The following CNTN4 variants were observed in gnomAD, a reference collection of about 807,000 sequenced individuals.
The protein encoded by CNTN4 is contactin-4.
CNTN4 carries 77 observed loss-of-function variants against 122.5 expected under a neutral mutation model. That is an observed-to-expected ratio of 0.63 (90% CI 0.52 to 0.76). The LOEUF is 0.76. Ranked by LOEUF, CNTN4 falls within the 30% of genes least tolerant of loss-of-function variation. The pLI, the probability that CNTN4 is intolerant of heterozygous loss-of-function variation, is 0.00. For synonymous variants in CNTN4, 512 were observed against 447.0 expected, an observed-to-expected ratio of 1.15 and a Z score of -1.83; for missense variants, 1,256 against 1,259.1, an observed-to-expected ratio of 1.00 and a Z score of 0.04.
At chr3:2,744,074 C>G (rs529523746) in intron 5 of CNTN4, among the ~76,000 whole-genome samples, 5 of 152,086 alleles carry the variant, frequency 3.3e-5, no homozygotes, top group Admixed American at 6.6e-5. Context: ...TTCAGCCTCC[C>G]GAAGTGCCGA....
At chr3:2,530,309 C>CTTTTTTT (rs1206246281) in intron 3 of CNTN4, among the ~76,000 whole-genome samples, 1 of 134,716 alleles carries the variant, frequency 7.4e-6, no homozygotes, top group African/African-American at 2.8e-5. Flanking sequence ...TTCTCCTCTT[C>CTTTTTTT]TTTTTTTTTT....
chr3:2,160,240 G>T (rs983001069), intron 2 of CNTN4, among the ~76,000 whole-genome samples: 7 of 152,098 alleles, frequency 4.6e-5, no homozygotes, highest in Non-Finnish European at 7.4e-5. Flanking sequence ...AAGGCAGGTT[G>T]GCGGTCACCT....
At chr3:2,912,543 A>C (rs1418786066) in intron 12 of CNTN4, among the ~76,000 whole-genome samples, 2 of 152,216 alleles carry the variant, frequency 1.3e-5, no homozygotes, top group African/African-American at 2.4e-5. Context: ...AAATCCTGTA[A>C]TATTGTAGGT....
At chr3:2,250,809 C>T (rs141686211) in intron 2 of CNTN4, among the ~76,000 whole-genome samples, 29 of 151,830 alleles carry the variant, frequency 1.9e-4, no homozygotes, top group African/African-American at 5.5e-4. Flanking sequence ...AGACAGTGAT[C>T]GTGGAATCCA....
intron 7 of CNTN4, among the ~76,000 whole-genome samples, chr3:2,847,349 G>T (rs2150590541): frequency 6.6e-6 from 1 of 152,158 alleles, no homozygotes; most frequent in East Asian, 1.9e-4. Context: ...GGAAAAAAAA[G>T]TTCAGACTCC....
chr3:2,105,760 A>C (rs1374779988), intron 2 of CNTN4, among the ~76,000 whole-genome samples: 2 of 152,168 alleles, frequency 1.3e-5, no homozygotes, highest in Non-Finnish European at 2.9e-5. Flanking sequence ...GTCTTTTCAC[A>C]TTTCAACATG....
At chr3:2,225,853 C>T (rs949224061) in intron 2 of CNTN4, among the ~76,000 whole-genome samples, 4 of 152,154 alleles carry the variant, frequency 2.6e-5, no homozygotes, top group Non-Finnish European at 5.9e-5. Context: ...TCTTATGGGT[C>T]TCTCCTTTTA....
chr3:2,798,366 A>ATCTATCTACCTATCTACCT (rs57013365), intron 6 of CNTN4, among the ~76,000 whole-genome samples: 1 of 135,374 alleles, frequency 7.4e-6, no homozygotes. Flanking sequence ...TACACACATA[A>ATCTATCTACCTATCTACCT]ATCTATCTAT....
chr3:2,535,045 C>T (rs1018316788), intron 3 of CNTN4, among the ~76,000 whole-genome samples: 3 of 152,154 alleles, frequency 2.0e-5, no homozygotes, highest in African/African-American at 7.2e-5. Context: ...AGAATTGACT[C>T]TGGGCATAGC....
chr3:2,106,229 C>T (rs1553564022), intron 2 of CNTN4, among the ~76,000 whole-genome samples: 1 of 152,190 alleles, frequency 6.6e-6, no homozygotes, highest in Non-Finnish European at 1.5e-5. Flanking sequence ...ATCTACCATT[C>T]TGAAGTCTAG....
At chr3:2,278,004 A>C (rs928979068) in intron 2 of CNTN4, among the ~76,000 whole-genome samples, 4 of 152,160 alleles carry the variant, frequency 2.6e-5, no homozygotes, top group African/African-American at 9.7e-5. Flanking sequence ...TCCCTTCAGA[A>C]GGTTGCAACT....
chr3:2,476,619 C>T (rs779154142), intron 3 of CNTN4, among the ~76,000 whole-genome samples: 1 of 152,112 alleles, frequency 6.6e-6, no homozygotes, highest in Non-Finnish European at 1.5e-5. Flanking sequence ...TATAGAGAGA[C>T]AGGAAGTAGA....
intron 4 of CNTN4, among the ~76,000 whole-genome samples, chr3:2,624,013 C>T (rs1048917700): frequency 1.3e-5 from 2 of 152,218 alleles, no homozygotes; most frequent in South Asian, 2.1e-4. Context: ...GGCTTTACCA[C>T]TACCAGAAGT....
In CNTN4 at chr3:2,463,189, T is replaced by TCTA. The variant is rs571511561; in HGVS notation, c.-88-108223_-88-108221dup. Among the ~76,000 whole-genome samples, 392 of 152,120 alleles carry TCTA rather than the reference T, an allele frequency of 2.6e-3. 1 individual carries two copies. The highest frequency in any genetic ancestry group is 4.2e-3 in the Non-Finnish European group (285 of 68,002). On this transcript the variant is annotated intron_variant, in intron 3 of 24. Coordinates refer to ENST00000418658, the MANE Select transcript of CNTN4 (RefSeq NM_175607.3). The stretch of plus-strand genomic sequence containing the variant: ...ATATAAATGAAATAGAAGGCTGTTA[T>TCTA]CTACTAAATGGGCTTTTTAAAAAAA...
intron 4 of CNTN4, among the ~76,000 whole-genome samples, chr3:2,636,065 C>G (rs540606518): frequency 6.6e-6 from 1 of 152,188 alleles, no homozygotes; most frequent in Non-Finnish European, 1.5e-5. Flanking sequence ...GAATTTGAGA[C>G]TGATCTCCCA....
chr3:2,923,315 G>GA (rs2094445445), intron 12 of CNTN4, among the ~76,000 whole-genome samples: 1 of 137,976 alleles, frequency 7.2e-6, no homozygotes, highest in Non-Finnish European at 1.7e-5. Flanking sequence ...AAGAATACCT[G>GA]ACTTTTTTTT....
intron 14 of CNTN4, among the ~76,000 whole-genome samples, chr3:3,006,062 G>T (rs1220898005): frequency 2.6e-5 from 4 of 151,022 alleles, no homozygotes; most frequent in Non-Finnish European, 4.4e-5. Flanking sequence ...ATTTTTTTTT[G>T]CATTTTTAGT....
At chr3:2,989,776 A>C (rs1694896829) in intron 14 of CNTN4, among the ~76,000 whole-genome samples, 1 of 152,212 alleles carries the variant, frequency 6.6e-6, no homozygotes. Context: ...ATATTTGTAA[A>C]GTGCAGTTCT....
intron 3 of CNTN4, among the ~76,000 whole-genome samples, chr3:2,482,072 CAG>C (rs1190046149): frequency 1.3e-5 from 2 of 152,118 alleles, no homozygotes; most frequent in African/African-American, 2.4e-5. Flanking sequence ...AAGTGGGTAA[CAG>C]AGGTTGAAAC....
Sources: allele counts gnomAD v4.1 joint callset (sites outside exome capture counted in the v4.1 genomes callset), GRCh38; gene constraint gnomAD v4.1.1; transcripts MANE v1.5; gene names NCBI Gene and HGNC (gene_info 2026-07-23, HGNC 2026-07-21).